The following TXK variants were observed in gnomAD, a reference collection of about 807,000 sequenced individuals.
TXK encodes tyrosine-protein kinase TXK.
Under a neutral mutation model 81.0 loss-of-function variants are expected in TXK, and 60 were observed. That is an observed-to-expected ratio of 0.74 (90% CI 0.60 to 0.92). TXK has a LOEUF of 0.92. TXK is among the 40% of genes least tolerant of loss of function. The probability of loss-of-function intolerance (pLI) is 0.00; values close to 1 mark genes in which losing one functional copy is unlikely to be tolerated. For synonymous variants in TXK, 203 were observed against 210.7 expected (o/e 0.96, Z 0.32); for missense variants, 581 against 638.3 (o/e 0.91, Z 0.97).
chr4:48,109,183 T>A (rs1718554750), intron 5 of TXK, among the ~76,000 whole-genome samples: 1 of 138,994 alleles, frequency 7.2e-6, no homozygotes, highest in Admixed American at 6.8e-5. Context: ...TGGAACTGCT[T>A]TTTTTTTTTT....
At chr4:48,118,444 C>G (rs973591786) in intron 1 of TXK, among the ~76,000 whole-genome samples, 1 of 152,186 alleles carries the variant, frequency 6.6e-6, no homozygotes, top group Non-Finnish European at 1.5e-5. Flanking sequence ...TCTGGATCTG[C>G]TAGGGCCCAT....
At chr4:48,120,440 T>C (rs1718927275) in intron 1 of TXK, among the ~76,000 whole-genome samples, 1 of 151,564 alleles carries the variant, frequency 6.6e-6, no homozygotes, top group Admixed American at 6.6e-5. Flanking sequence ...CGTGATCTTA[T>C]TTCCCTCATT....
Position 48,134,167 on chromosome 4 carries a change from T to C in TXK, c.4A>G (p.Ile2Val). The change falls in exon 1 of 15, where the codon ATC becomes GTC. Residue 2 changes from isoleucine (I) to valine (V), a missense_variant. Ile to Val is a conservative substitution (Grantham distance 29, BLOSUM62 3). Coordinates refer to ENST00000264316, the MANE Select transcript of TXK (RefSeq NM_003328.3). M[I>V]LSSYNTIQSV... ...CCATCTTACTCACAGGAGGAAAGGA[T>C]CATGGTAGCCCCTTCTGCGGGGAGC... 1 of 1,613,308 alleles carries C rather than the reference T, an allele frequency of 6.2e-7. No homozygotes were observed. The highest frequency in any genetic ancestry group is 1.3e-5 in the African/African-American group (1 of 74,974).
chr4:48,096,653 C>T (rs979071137), intron 6 of TXK, among the ~76,000 whole-genome samples: 2 of 152,130 alleles, frequency 1.3e-5, no homozygotes, highest in African/African-American at 4.8e-5. Context: ...CTCAGCCTCC[C>T]CAGTAGCTGG....
intron 10 of TXK, among the ~76,000 whole-genome samples, chr4:48,084,980 G>A (rs574070243): frequency 1.3e-5 from 2 of 151,978 alleles, no homozygotes; most frequent in East Asian, 1.9e-4. Flanking sequence ...CTGCAAGTGC[G>A]GGTCAGAACT....
chr4:48,131,830 T>C (rs961034425), intron 1 of TXK, among the ~76,000 whole-genome samples: 5 of 152,220 alleles, frequency 3.3e-5, no homozygotes, highest in African/African-American at 1.2e-4. Flanking sequence ...AAAGAGCAGA[T>C]GCTCACACAG....
intron 8 of TXK, 50 bp downstream of exon 8, chr4:48,094,027 C>A: frequency 6.2e-7 from 1 of 1,611,506 alleles, no homozygotes; most frequent in Non-Finnish European, 8.5e-7. Context: ...ATGCATTGCC[C>A]ATCAAGGGCA....
intron 14 of TXK, among the ~76,000 whole-genome samples, chr4:48,068,234 A>G (rs1039786702): frequency 6.6e-6 from 1 of 152,110 alleles, no homozygotes; most frequent in African/African-American, 2.4e-5. Context: ...CTCAGAAAGT[A>G]CTCTAGGACA....
At chr4:48,112,555 A>G in intron 3 of TXK, 43 bp from the exon 4 acceptor site, 2 of 1,542,604 alleles carry the variant, frequency 1.3e-6, no homozygotes, top group Non-Finnish European at 1.7e-6. Context: ...TCATTTTAAT[A>G]ATTTGTACTA....
intron 14 of TXK, among the ~76,000 whole-genome samples, chr4:48,069,326 C>CTTTTTTT (rs376924565): frequency 1.5e-4 from 14 of 95,820 alleles, no homozygotes; most frequent in African/African-American, 5.8e-4. Context: ...CTTTTCTTTT[C>CTTTTTTT]TTTTTTTTTT....
rs778365585 is a variant in TXK, at chr4:48,100,921, A to T, written c.501+3980T>A. Among the ~76,000 whole-genome samples, 175 of 152,026 alleles carry T rather than the reference A, an allele frequency of 1.2e-3. 2 individuals carry two copies. The highest frequency in any genetic ancestry group is 1.5e-3 in the Non-Finnish European group (104 of 67,928). On this transcript the variant is annotated intron_variant, in intron 6 of 14. Coordinates refer to ENST00000264316, the MANE Select transcript of TXK (RefSeq NM_003328.3). ...CTAAATATATATCCTTATGTAAAAAAATATATATATAAAAATGTATATAGT... is the reference window on the plus strand; with the variant it reads ...CTAAATATATATCCTTATGTAAAAATATATATATATAAAAATGTATATAGT...
intron 1 of TXK, among the ~76,000 whole-genome samples, chr4:48,128,659 G>T (rs1395863987): frequency 2.7e-5 from 4 of 147,796 alleles, no homozygotes; most frequent in Non-Finnish European, 5.9e-5. Context: ...TCTGCTCCCG[G>T]GTTCACGCCA....
chr4:48,098,451 C>G (rs1718067832), intron 6 of TXK, among the ~76,000 whole-genome samples: 1 of 152,136 alleles, frequency 6.6e-6, no homozygotes, highest in African/African-American at 2.4e-5. Context: ...ACCACAGTTA[C>G]TTTTGCACCA....
At chr4:48,107,506 A>G (rs1009423544) in intron 5 of TXK, among the ~76,000 whole-genome samples, 3 of 151,924 alleles carry the variant, frequency 2.0e-5, no homozygotes, top group African/African-American at 7.3e-5. Context: ...ACAGCGTCCA[A>G]TACTGTTCCT....
chr4:48,098,034 A>C (rs1026988987), intron 6 of TXK, among the ~76,000 whole-genome samples: 2 of 152,300 alleles, frequency 1.3e-5, no homozygotes, highest in Non-Finnish European at 2.9e-5. Flanking sequence ...GGCATGAGCC[A>C]CCACGCCCGG....
intron 1 of TXK, among the ~76,000 whole-genome samples, chr4:48,125,014 AAC>A (rs1233431407): frequency 6.6e-6 from 1 of 152,210 alleles, no homozygotes; most frequent in African/African-American, 2.4e-5. Flanking sequence ...CACTTCTACC[AAC>A]ACAGCCCTTA....
intron 12 of TXK, among the ~76,000 whole-genome samples, chr4:48,075,780 A>T (rs1717047410): frequency 6.6e-6 from 1 of 152,188 alleles, no homozygotes; most frequent in African/African-American, 2.4e-5. Flanking sequence ...GCACACAGAT[A>T]ACAAAAGGAC....
intron 14 of TXK, among the ~76,000 whole-genome samples, chr4:48,070,564 T>G (rs1716800376): frequency 6.6e-6 from 1 of 152,162 alleles, no homozygotes; most frequent in South Asian, 2.1e-4. Context: ...ATTCTTTTAT[T>G]TATTTGCTTA....
chr4:48,102,477 T>C (rs1718235939), intron 6 of TXK, among the ~76,000 whole-genome samples: 3 of 152,184 alleles, frequency 2.0e-5, no homozygotes, highest in Admixed American at 6.5e-5. Context: ...AAAAAAACTG[T>C]GAAACTACTT....
Sources: gnomAD v4.1 joint callset for allele counts (sites outside exome capture counted in the v4.1 genomes callset) on GRCh38, gnomAD v4.1.1 for gene constraint, MANE v1.5 for transcripts, NCBI Gene and HGNC (gene_info 2026-07-23, HGNC 2026-07-21) for gene names.